Variants in CSTF2 observed in about 807,000 individuals in gnomAD.
CSTF2 encodes CF-1 64 kDa subunit.
CSTF2 carries 8 observed loss-of-function variants against 45.4 expected under a neutral mutation model. The ratio of observed to expected loss-of-function variants is 0.18; its 90% CI spans 0.10 to 0.32. CSTF2 has a LOEUF of 0.32. Among genes scored for constraint, CSTF2 ranks in the 10% least tolerant of loss-of-function variants. The pLI is 1.00. For synonymous variants in CSTF2, 155 were observed against 158.9 expected, an observed-to-expected ratio of 0.98 and a Z score of 0.18; for missense variants, 253 against 477.1, an observed-to-expected ratio of 0.53 and a Z score of 4.38.
intron 12 of CSTF2, 85 bp downstream of exon 12, chrX:100,837,534 G>A: frequency 1.7e-6 from 1 of 597,694 alleles, no homozygotes. Flanking sequence ...TGACGATCCT[G>A]GGTCTTCAAA....
At chrX:100,831,298 C>T (rs762247971) in intron 8 of CSTF2, among the ~76,000 whole-genome samples, 1 of 111,821 alleles carries the variant, frequency 8.9e-6, no homozygotes, top group East Asian at 2.8e-4. Context: ...CAGGTTGCTC[C>T]CCAGTTTGCT....
At position 100,833,345 on chromosome X, in the gene CSTF2, G is replaced by A. The variant is rs773541389; in HGVS notation, c.1373G>A (p.Arg458Gln). The A allele has an allele frequency of 1.7e-6, 2 of 1,210,410 alleles. No homozygotes were observed. Among genetic ancestry groups the A allele is most frequent in the Non-Finnish European group, 1.1e-6 (1 of 894,955 alleles). Reference protein sequence around the residue: ...RAMEARAMEVRGMEARGMDTR... With the variant: ...RAMEARAMEVQGMEARGMDTR... Reference sequence around the variant, plus strand: ...ATGGAGGCCCGTGCAATGGAAGTCCGAGGGATGGAGGCCAGAGGCATGGAT... The same window carrying A: ...ATGGAGGCCCGTGCAATGGAAGTCCAAGGGATGGAGGCCAGAGGCATGGAT... The change falls in exon 11 of 14, where the codon CGA (arginine) becomes CAA (glutamine). Residue 458 changes from arginine (R) to glutamine (Q), a missense_variant. Physicochemically the swap from Arg to Gln is conservative, Grantham distance 43 (BLOSUM62 1). Transcript: ENST00000372972.
chrX:100,828,019 T>C, intron 7 of CSTF2, 21 bp from the exon 8 acceptor site: 1 of 1,195,632 alleles, frequency 8.4e-7, no homozygotes, highest in Non-Finnish European at 1.1e-6. Flanking sequence ...TGTTTTTTCT[T>C]GTCTGCCCTT....
At chrX:100,836,248 C>T (rs1181996494) in intron 11 of CSTF2, among the ~76,000 whole-genome samples, 3 of 111,973 alleles carry the variant, frequency 2.7e-5, no homozygotes, top group Non-Finnish European at 5.6e-5. Context: ...TTTGATATTT[C>T]CTTTCTTGAA....
intron 12 of CSTF2, among the ~76,000 whole-genome samples, chrX:100,837,852 G>A (rs1437028197): frequency 9.0e-6 from 1 of 111,135 alleles, no homozygotes; most frequent in Admixed American, 9.6e-5. Context: ...TATGTCTGAT[G>A]GAAAGGCTAA....
At chrX:100,837,478 A>G (rs2085015930) in intron 12 of CSTF2, 29 bp downstream of exon 12, 1 of 1,006,803 alleles carries the variant, frequency 9.9e-7, no homozygotes, top group Non-Finnish European at 1.4e-6. Context: ...CTGCCTCCTT[A>G]TGCACAATTC....
intron 13 of CSTF2, among the ~76,000 whole-genome samples, chrX:100,840,127 G>A (rs1049091896): frequency 9.0e-6 from 1 of 111,635 alleles, no homozygotes; most frequent in South Asian, 3.8e-4. Flanking sequence ...CATGATTTGT[G>A]TATATGTATG....
intron 8 of CSTF2, among the ~76,000 whole-genome samples, chrX:100,828,625 A>G (rs2084957619): frequency 1.8e-5 from 2 of 112,205 alleles, no homozygotes; most frequent in South Asian, 3.7e-4. Flanking sequence ...CTTAATGAAC[A>G]TATGTTGTAC....
chrX:100,828,531 A>G (rs1029806155), intron 8 of CSTF2, among the ~76,000 whole-genome samples: 10 of 112,228 alleles, frequency 8.9e-5, no homozygotes, highest in African/African-American at 3.2e-4. Context: ...AATAATGAGC[A>G]TGTAAATATG....
intron 8 of CSTF2, 34 bp from the exon 9 acceptor site, chrX:100,831,481 C>A: frequency 8.3e-7 from 1 of 1,208,251 alleles, no homozygotes. Context: ...ATGTGTCTTT[C>A]ACAGCAGTAA....
chrX:100,829,604 G>T (rs1191590243), intron 8 of CSTF2, among the ~76,000 whole-genome samples: 2 of 111,950 alleles, frequency 1.8e-5, no homozygotes, highest in African/African-American at 6.5e-5. Context: ...TGAAGTGACA[G>T]AATTAACTTT....
At chrX:100,821,480 CTA>C in intron 1 of CSTF2, 45 bp from the exon 2 acceptor site, 1 of 913,530 alleles carries the variant, frequency 1.1e-6, no homozygotes, top group Non-Finnish European at 1.6e-6. Flanking sequence ...CACTAAAGAT[CTA>C]TGTTATAAAC....
At position 100,828,264 on chromosome X, in the gene CSTF2, C is replaced by T. The variant is rs761824199; in HGVS notation, c.889+162C>T. ...CTCAGTTCCTCAGTCACAATAGCCA[C>T]ATTCCAAGTGCTCAGTGGCCACAGG... On this transcript the variant is annotated intron_variant, in intron 8 of 13. Coordinates refer to ENST00000372972, the MANE Select transcript of CSTF2 (RefSeq NM_001325.3). Among the ~76,000 whole-genome samples, 3 of 112,045 alleles carry T rather than the reference C, an allele frequency of 2.7e-5. No homozygotes were observed. In the South Asian group the frequency reaches 1.1e-3, roughly 42 times the overall value.
At chrX:100,835,622 CTTAG>C (rs1468937151) in intron 11 of CSTF2, among the ~76,000 whole-genome samples, 12 of 108,128 alleles carry the variant, frequency 1.1e-4, no homozygotes, top group Admixed American at 8.0e-4. Flanking sequence ...CTCTAGTCCA[CTTAG>C]TTAGAAACTT....
chrX:100,821,919 C>G (rs2084920265), intron 2 of CSTF2, among the ~76,000 whole-genome samples: 2 of 110,664 alleles, frequency 1.8e-5, no homozygotes. Flanking sequence ...TGTGGTGAAA[C>G]CTTGTCTCTA....
chrX:100,829,727 C>CT (rs1483013385), intron 8 of CSTF2, among the ~76,000 whole-genome samples: 1 of 111,582 alleles, frequency 9.0e-6, no homozygotes, highest in Admixed American at 9.6e-5. Context: ...CACCGCACCA[C>CT]TGTCAATAGA....
At chrX:100,833,504 T>TG in intron 11 of CSTF2, 32 bp downstream of exon 11, 1 of 1,156,960 alleles carries the variant, frequency 8.6e-7, no homozygotes, top group Non-Finnish European at 1.2e-6. Flanking sequence ...GGCATCCAAG[T>TG]GAAATCTTGA....
At chrX:100,831,758 C>A in intron 9 of CSTF2, 102 bp downstream of exon 9, 2 of 891,896 alleles carry the variant, frequency 2.2e-6, no homozygotes, top group Admixed American at 2.4e-5. Flanking sequence ...TTGCCTACTT[C>A]AAAAGGTAGA....
At chrX:100,836,967 G>A (rs773925771) in intron 11 of CSTF2, among the ~76,000 whole-genome samples, 1 of 111,925 alleles carries the variant, frequency 8.9e-6, no homozygotes, top group Non-Finnish European at 1.9e-5. Context: ...CAGTGGACCA[G>A]CATACATTTT....
Sources: gnomAD v4.1 joint callset for allele counts (sites outside exome capture counted in the v4.1 genomes callset) on GRCh38, gnomAD v4.1.1 for gene constraint, MANE v1.5 for transcripts, NCBI Gene and HGNC (gene_info 2026-07-23, HGNC 2026-07-21) for gene names.